VRK1: variants seen among roughly 807,000 people sequenced by gnomAD.
VRK1 encodes the protein serine/threonine-protein kinase VRK1.
A neutral mutation model predicts 57.1 loss-of-function variants in VRK1; 33 were observed. That is an observed-to-expected ratio of 0.58 (90% CI 0.44 to 0.77). The LOEUF (loss-of-function observed/expected upper bound fraction) is 0.77, where lower values mean the gene tolerates loss of function less well. VRK1 is among the 30% of genes least tolerant of loss of function. The pLI is 0.00. For missense variants in VRK1, 413 were observed against 477.3 expected (o/e 0.87, Z 1.25); for synonymous variants, 137 against 147.8 (o/e 0.93, Z 0.53).
intron 1 of VRK1, among the ~76,000 whole-genome samples, chr14:96,825,540 G>A (rs1165893780): frequency 2.0e-5 from 3 of 152,134 alleles, no homozygotes; most frequent in African/African-American, 7.2e-5. Context: ...TCATATACGA[G>A]GAGCTTATAA....
At chr14:96,806,466 T>C (rs1479751149) in intron 1 of VRK1, among the ~76,000 whole-genome samples, 1 of 152,256 alleles carries the variant, frequency 6.6e-6, no homozygotes, top group Non-Finnish European at 1.5e-5. Flanking sequence ...TGCTTGTTCA[T>C]TTCTTTTCCA....
intron 1 of VRK1, among the ~76,000 whole-genome samples, chr14:96,819,553 G>A (rs1199311847): frequency 1.3e-5 from 2 of 152,182 alleles, no homozygotes; most frequent in African/African-American, 4.8e-5. Flanking sequence ...GTTTTGGACT[G>A]TGAATTTTAA....
At chr14:96,832,470 A>G (rs1409541173) in intron 1 of VRK1, among the ~76,000 whole-genome samples, 1 of 152,186 alleles carries the variant, frequency 6.6e-6, no homozygotes, top group East Asian at 1.9e-4. Flanking sequence ...ACATGTTCAC[A>G]TGCATACTAG....
At chr14:96,858,397 T>C (rs866075186) in intron 10 of VRK1, among the ~76,000 whole-genome samples, 5 of 152,218 alleles carry the variant, frequency 3.3e-5, no homozygotes, top group Admixed American at 2.0e-4. Flanking sequence ...CTTGGCCCTA[T>C]TATTGTATGT....
At chr14:96,880,689 A>G (rs1889226285) in intron 12 of VRK1, among the ~76,000 whole-genome samples, 1 of 152,226 alleles carries the variant, frequency 6.6e-6, no homozygotes, top group Non-Finnish European at 1.5e-5. Context: ...TTTCCATTTC[A>G]GTATATCCCA....
At chr14:96,873,740 T>C (rs1056422961) in intron 11 of VRK1, among the ~76,000 whole-genome samples, 3 of 152,232 alleles carry the variant, frequency 2.0e-5, no homozygotes, top group African/African-American at 7.2e-5. Context: ...AGAATTTTAC[T>C]CATTGCCTTA....
rs184203504 is a variant in VRK1 at position 96,845,356 on chromosome 14, A to G, written c.217-739A>G. ...CTCTTACATATTTATTTAACAAGGCAAAACTGCTGACAGGCTGTTATTTCT... is the reference window on the plus strand; with the variant it reads ...CTCTTACATATTTATTTAACAAGGCGAAACTGCTGACAGGCTGTTATTTCT... On this transcript the variant is annotated intron_variant, in intron 3 of 12. Transcript: ENST00000216639. Among the ~76,000 whole-genome samples, 1,001 of 152,358 alleles carry G rather than the reference A, an allele frequency of 6.6e-3. 13 individuals are homozygous for G. The highest frequency in any genetic ancestry group is 0.023 in the African/African-American group (958 of 41,580).
At chr14:96,798,756 A>G (rs774442089) in intron 1 of VRK1, among the ~76,000 whole-genome samples, 1 of 152,236 alleles carries the variant, frequency 6.6e-6, no homozygotes, top group African/African-American at 2.4e-5. Flanking sequence ...AGAAGGAAGC[A>G]AGGGTTCTTT....
intron 11 of VRK1, among the ~76,000 whole-genome samples, chr14:96,869,389 C>T (rs917994943): frequency 3.9e-5 from 6 of 152,064 alleles, no homozygotes; most frequent in African/African-American, 1.4e-4. Flanking sequence ...GATCTTAGAT[C>T]TTTAAAAGTT....
intron 11 of VRK1, among the ~76,000 whole-genome samples, chr14:96,871,690 C>G (rs1331227751): frequency 6.6e-6 from 1 of 152,190 alleles, no homozygotes; most frequent in Non-Finnish European, 1.5e-5. Context: ...TGATCTTCAC[C>G]TCTGTTCAGA....
chr14:96,873,874 G>T (rs1888924145), intron 11 of VRK1, among the ~76,000 whole-genome samples: 1 of 152,176 alleles, frequency 6.6e-6, no homozygotes, highest in African/African-American at 2.4e-5. Flanking sequence ...AGTTGGGCAG[G>T]AGTTACCTGG....
chr14:96,865,266 C>G (rs1029640251), intron 11 of VRK1, among the ~76,000 whole-genome samples: 2 of 152,052 alleles, frequency 1.3e-5, no homozygotes, highest in Non-Finnish European at 2.9e-5. Flanking sequence ...TGTTTTCCTT[C>G]TTTTGGATAT....
chr14:96,871,026 T>C (rs1386668599), intron 11 of VRK1, among the ~76,000 whole-genome samples: 1 of 152,228 alleles, frequency 6.6e-6, no homozygotes, highest in Admixed American at 6.5e-5. Context: ...GATGGTTTTT[T>C]TCCTCCATTT....
At chr14:96,817,662 T>C (rs535306260) in intron 1 of VRK1, among the ~76,000 whole-genome samples, 1 of 152,318 alleles carries the variant, frequency 6.6e-6, no homozygotes, top group Non-Finnish European at 1.5e-5. Context: ...TATTGATAGA[T>C]TATTATATAG....
chr14:96,829,195 GTTTTC>G (rs1457824952), intron 1 of VRK1, among the ~76,000 whole-genome samples: 1 of 150,472 alleles, frequency 6.6e-6, no homozygotes, highest in Non-Finnish European at 1.5e-5. Flanking sequence ...GCTTAGGAGT[GTTTTC>G]TTTTAATTTT....
At chr14:96,798,120 T>G (rs563018998) in intron 1 of VRK1, among the ~76,000 whole-genome samples, 1 of 152,172 alleles carries the variant, frequency 6.6e-6, no homozygotes, top group East Asian at 1.9e-4. Flanking sequence ...CGTGATCCTG[T>G]ACTTGAGGGT....
At chr14:96,846,204 G>A (rs755393700) in intron 4 of VRK1, 40 bp downstream of exon 4, 7 of 1,598,272 alleles carry the variant, frequency 4.4e-6, no homozygotes, top group South Asian at 3.3e-5. Flanking sequence ...CTTTTAAAAT[G>A]ACCAGTTTTT....
intron 1 of VRK1, among the ~76,000 whole-genome samples, chr14:96,797,726 C>T (rs1197708060): frequency 6.6e-6 from 1 of 152,198 alleles, no homozygotes; most frequent in African/African-American, 2.4e-5. Flanking sequence ...CTGAGCTCCA[C>T]GTTCTGGACG....
At chr14:96,853,448 T>C (rs1034872732) in intron 7 of VRK1, among the ~76,000 whole-genome samples, 3 of 152,144 alleles carry the variant, frequency 2.0e-5, no homozygotes, top group African/African-American at 7.2e-5. Flanking sequence ...CTTAAAATTA[T>C]ATAGTACACC....
Sources: allele counts gnomAD v4.1 joint callset (sites outside exome capture counted in the v4.1 genomes callset), GRCh38; gene constraint gnomAD v4.1.1; transcripts MANE v1.5; gene names NCBI Gene and HGNC (gene_info 2026-07-23, HGNC 2026-07-21).